The following BMERB1 variants were observed in gnomAD, a reference collection of about 807,000 sequenced individuals.
BMERB1 encodes the protein bMERB domain containing 1.
Under a neutral mutation model 23.6 loss-of-function variants are expected in BMERB1, and 12 were observed. The observed-to-expected ratio is 0.51, with a 90% CI of 0.33 to 0.82. BMERB1 has a LOEUF of 0.82. BMERB1 is among the 40% of genes least tolerant of loss of function. BMERB1 has a pLI of 0.03. For synonymous variants in BMERB1, 122 were observed against 96.6 expected (o/e 1.26, Z -1.54); for missense variants, 247 against 255.4 (o/e 0.97, Z 0.22).
At chr16:15,543,463 G>A (rs1382681578) in intron 2 of BMERB1, among the ~76,000 whole-genome samples, 8 of 152,098 alleles carry the variant, frequency 5.3e-5, no homozygotes, top group Admixed American at 1.3e-4. Context: ...CCGCCTGTCC[G>A]TATCAGCAGG....
chr16:15,495,040 C>A (rs1405199770), intron 1 of BMERB1, among the ~76,000 whole-genome samples: 1 of 151,116 alleles, frequency 6.6e-6, no homozygotes, highest in Admixed American at 6.6e-5. Context: ...TGCGCCACCA[C>A]CCCTGGCTAA....
chr16:15,443,966 G>T (rs1215123160), intron 1 of BMERB1, among the ~76,000 whole-genome samples: 2 of 151,742 alleles, frequency 1.3e-5, no homozygotes, highest in Non-Finnish European at 2.9e-5. Context: ...TGACTGGGGA[G>T]CTGCAGGCCA....
chr16:15,464,732 TA>T (rs2051166952), intron 1 of BMERB1, among the ~76,000 whole-genome samples: 2 of 152,208 alleles, frequency 1.3e-5, no homozygotes, highest in South Asian at 4.1e-4. Context: ...TAATGCATCA[TA>T]ATTAGTGTAT....
At chr16:15,515,172 T>C (rs7501278) in intron 1 of BMERB1, 133 bp from the exon 2 acceptor site, 1,200,024 of 1,203,996 alleles carry the variant, frequency 1, 598,112 homozygotes, top group East Asian at 1. Context: ...TACACATTTG[T>C]GGCACAGGCT....
chr16:15,575,586 CACAA>C (rs1319923827), intron 3 of BMERB1, among the ~76,000 whole-genome samples: 3 of 152,066 alleles, frequency 2.0e-5, no homozygotes, highest in Admixed American at 6.6e-5. Context: ...AAAATGCACA[CACAA>C]ACAAAATAAG....
intron 1 of BMERB1, among the ~76,000 whole-genome samples, chr16:15,507,173 T>C (rs1477796931): frequency 6.6e-6 from 1 of 152,196 alleles, no homozygotes; most frequent in African/African-American, 2.4e-5. Flanking sequence ...AAGGTATCTC[T>C]CTGGTCCCCA....
intron 1 of BMERB1, among the ~76,000 whole-genome samples, chr16:15,445,535 A>T (rs1470709767): frequency 6.6e-6 from 1 of 152,142 alleles, no homozygotes; most frequent in East Asian, 1.9e-4. Context: ...AGAAGGAAAT[A>T]CATATGTGGA....
Position 15,568,003 on chromosome 16 carries a change from G to T in BMERB1, c.251G>T (p.Cys84Phe), listed in dbSNP as rs2150972133. 1 of 1,613,956 alleles carries T rather than the reference G, an allele frequency of 6.2e-7. No homozygotes were observed. Among genetic ancestry groups the T allele is most frequent in the Non-Finnish European group, 8.5e-7 (1 of 1,179,888 alleles). Residue 84 changes from cysteine to phenylalanine, a missense_variant, in exon 3 of 6, where the codon TGC becomes TTC. Coordinates refer to ENST00000300006, the MANE Select transcript of BMERB1 (RefSeq NM_033201.3). ...LRFMMDDIQLCKDIMDLKQEL... is the reference protein window; with the variant it reads ...LRFMMDDIQLFKDIMDLKQEL... The stretch of plus-strand genomic sequence containing the variant: ...CCCAGGATGGATGACATCCAGCTCT[G>T]CAAGGACATCATGGACTTGAAGCAG...
chr16:15,536,231 A>C (rs1240053055), intron 2 of BMERB1, among the ~76,000 whole-genome samples: 1 of 152,120 alleles, frequency 6.6e-6, no homozygotes, highest in Non-Finnish European at 1.5e-5. Context: ...CAGAGGTTCC[A>C]GCTTGTCCTC....
chr16:15,571,203 G>A (rs2030714986), intron 3 of BMERB1, among the ~76,000 whole-genome samples: 1 of 152,112 alleles, frequency 6.6e-6, no homozygotes, highest in Admixed American at 6.5e-5. Context: ...AACCAAAAAT[G>A]TCTATAGATG....
Position 15,560,803 on chromosome 16 carries a change from AAAATAAAAT to A in BMERB1, c.231-7172_231-7164del, listed in dbSNP as rs200941948. 8.1e-3 allele frequency among the ~76,000 whole-genome samples: 1,231 copies of A among 151,970 alleles called. 14 individuals are homozygous for A. The highest frequency in any genetic ancestry group is 0.028 in the African/African-American group (1,155 of 41,486). On this transcript the variant is annotated intron_variant, in intron 2 of 5. Transcript: ENST00000300006. ...GCCAGACTCCATCTCAAAATAAAAT[AAAATAAAAT>A]AAATAAATAAAAATAAAAACTTTTA...
chr16:15,485,080 C>T (rs72774892), intron 1 of BMERB1, among the ~76,000 whole-genome samples: 5,904 of 152,208 alleles, frequency 0.039, 131 homozygotes, highest in Non-Finnish European at 0.051. Flanking sequence ...AGAGAGAGAT[C>T]GTTTCATTAG....
intron 1 of BMERB1, among the ~76,000 whole-genome samples, chr16:15,493,800 G>A (rs187820717): frequency 5.9e-5 from 9 of 152,208 alleles, no homozygotes; most frequent in African/African-American, 2.2e-4. Flanking sequence ...TATCTCTCCT[G>A]TCAAATTTCC....
At chr16:15,508,221 T>G (rs746631080) in intron 1 of BMERB1, among the ~76,000 whole-genome samples, 5 of 152,180 alleles carry the variant, frequency 3.3e-5, no homozygotes, top group Non-Finnish European at 7.3e-5. Context: ...AAATGCTCGA[T>G]AAATGTTAGT....
intron 1 of BMERB1, chr16:15,448,101 G>A (rs776707079): frequency 1.7e-4 from 57 of 345,252 alleles, no homozygotes; most frequent in Admixed American, 3.8e-4. Flanking sequence ...TGTTGGCCAG[G>A]CTGGTCTCAA....
intron 2 of BMERB1, among the ~76,000 whole-genome samples, chr16:15,555,553 G>A (rs192631629): frequency 6.6e-6 from 1 of 152,278 alleles, no homozygotes; most frequent in Admixed American, 6.5e-5. Flanking sequence ...CATTTGTTTG[G>A]GAACGAGTGT....
intron 1 of BMERB1, among the ~76,000 whole-genome samples, chr16:15,476,224 G>A (rs540556980): frequency 2.1e-4 from 30 of 144,264 alleles, no homozygotes; most frequent in African/African-American, 4.6e-4. Context: ...GTGCAGTGGC[G>A]TGATCTTGGC....
chr16:15,475,495 G>A (rs1219556526), intron 1 of BMERB1, among the ~76,000 whole-genome samples: 2 of 152,242 alleles, frequency 1.3e-5, no homozygotes, highest in Middle Eastern at 3.4e-3. Context: ...ATCAGGCAAG[G>A]GAAGAAGCCT....
At chr16:15,528,633 A>G (rs764705326) in intron 2 of BMERB1, among the ~76,000 whole-genome samples, 1 of 146,242 alleles carries the variant, frequency 6.8e-6, no homozygotes, top group Non-Finnish European at 1.5e-5. Flanking sequence ...CGATACACAC[A>G]CCAGGTCCCC....
Sources: gnomAD v4.1 joint callset for allele counts (sites outside exome capture counted in the v4.1 genomes callset) on GRCh38, gnomAD v4.1.1 for gene constraint, MANE v1.5 for transcripts, NCBI Gene and HGNC (gene_info 2026-07-23, HGNC 2026-07-21) for gene names.